PLEKHG4B: variants seen among roughly 807,000 people sequenced by gnomAD.
PLEKHG4B encodes the protein pleckstrin homology and RhoGEF domain containing G4B.
A neutral mutation model predicts 121.3 loss-of-function variants in PLEKHG4B; 111 were observed. The observed-to-expected ratio is 0.92, with a 90% CI of 0.78 to 1.07. PLEKHG4B has a LOEUF of 1.07. Ranked by LOEUF, PLEKHG4B falls within the 50% of genes least tolerant of loss-of-function variation. The pLI, the probability that PLEKHG4B is intolerant of heterozygous loss-of-function variation, is 0.00. For missense variants in PLEKHG4B, 1,831 were observed against 1,757.8 expected (o/e 1.04, Z -0.74); for synonymous variants, 738 against 725.0 (o/e 1.02, Z -0.29).
At chr5:136,677 A>G (rs1215569890) in intron 2 of PLEKHG4B, among the ~76,000 whole-genome samples, 1 of 152,212 alleles carries the variant, frequency 6.6e-6, no homozygotes, top group African/African-American at 2.4e-5. Context: ...AACACCATTA[A>G]TAGGAAAACA....
chr5:172,841 G>T, intron 16 of PLEKHG4B, 56 bp from the exon 17 acceptor site: 1 of 1,589,190 alleles, frequency 6.3e-7, no homozygotes, highest in Non-Finnish European at 8.6e-7. Flanking sequence ...AGTGACCTGT[G>T]CCACCACAGA....
rs767038590 is a variant in PLEKHG4B, at chr5:151,558, A to G, written c.1951A>G (p.Lys651Glu). 12 of 1,593,040 alleles carry G rather than the reference A, an allele frequency of 7.5e-6. No individual in the cohort carries two copies. In the South Asian group the frequency reaches 1.1e-4, roughly 15 times the overall value. Residue 651 changes from lysine (K) to glutamate (E), a missense_variant, in exon 7 of 20, where the codon AAA becomes GAA. Lys to Glu is a moderately conservative substitution (Grantham distance 56, BLOSUM62 1). Transcript: ENST00000637938. The part of the protein sequence containing the change: ...IIHSILLLVD[K>E]ESAFRPDKDA... ...TCATAGTATCTTGCTGTTGGTAGATAAAGAATCTGCATTTAGGCCTGACAA... is the reference window on the plus strand; with the variant it reads ...TCATAGTATCTTGCTGTTGGTAGATGAAGAATCTGCATTTAGGCCTGACAA...
In PLEKHG4B at chr5:151,590, A is replaced by G; in HGVS notation, c.1983A>G (p.Ala661=). Residue 661 remains alanine (A), a synonymous_variant, in exon 7 of 20, where the codon GCA becomes GCG. Coordinates refer to ENST00000637938, the MANE Select transcript of PLEKHG4B (RefSeq NM_052909.5). ...KESAFRPDKD[A]IIQCEVVSSL... ...CTGCATTTAGGCCTGACAAGGATGC[A>G]ATAATTCAGGTAATGGTTTAGACTG... 1 of 1,580,094 alleles carries G rather than the reference A, an allele frequency of 6.3e-7. No homozygotes were observed. Among genetic ancestry groups the G allele is most frequent in the Middle Eastern group, 1.7e-4 (1 of 5,994 alleles).
chr5:99,098 G>C (rs1036192700), intron 1 of PLEKHG4B, among the ~76,000 whole-genome samples: 1 of 144,662 alleles, frequency 6.9e-6, no homozygotes, highest in African/African-American at 2.6e-5. Context: ...GGAGGTTGCA[G>C]TGAGCCGAGA....
rs541656964 is a variant in PLEKHG4B, at chr5:148,346, A to C, written c.1906-3167A>C. Among the ~76,000 whole-genome samples the C allele has an allele frequency of 4.2e-4, 50 of 119,800 alleles. No individual in the cohort carries two copies. In the South Asian group the frequency reaches 9.9e-3, roughly 24 times the overall value. 78.6% of individuals were successfully genotyped at this position (119,800 alleles called of 152,430 possible). On this transcript the variant is annotated intron_variant, in intron 6 of 19. Coordinates refer to ENST00000637938, the MANE Select transcript of PLEKHG4B (RefSeq NM_052909.5). ...TGCAGAAAACCCTAACAGTTCCACA[A>C]AAAAAAAAAAATAAATAAAAATAAG...
rs561234293 is a variant in PLEKHG4B at position 172,353 on chromosome 5, C to T, written c.4051-544C>T. Among the ~76,000 whole-genome samples the T allele has an allele frequency of 1.5e-4, 23 of 152,296 alleles. No homozygotes were observed. The East Asian group carries it at 2.7e-3, about 18-fold the overall frequency. ...GGGAGGGACAGCCTGGTGGGCACGG[C>T]GGCTCCATCTCTGGGGGCTGCTGTC... On this transcript the variant is annotated intron_variant, in intron 16 of 19. Coordinates refer to ENST00000637938, the MANE Select transcript of PLEKHG4B (RefSeq NM_052909.5).
At chr5:96,724 C>T (rs1733636706) in intron 1 of PLEKHG4B, among the ~76,000 whole-genome samples, 1 of 152,138 alleles carries the variant, frequency 6.6e-6, no homozygotes, top group Non-Finnish European at 1.5e-5. Context: ...AGTGACCACT[C>T]ATGCCTCCAA....
Position 169,969 on chromosome 5 carries a change from C to T in PLEKHG4B, c.3729+377C>T, listed in dbSNP as rs1736490274. On this transcript the variant is annotated intron_variant, in intron 14 of 19. Transcript: ENST00000637938. ...GGCCAGGCCTCACCTCTTCACACGC[C>T]CCCTGCCCCTGGATGCCCCATTACC... 2.0e-5 allele frequency among the ~76,000 whole-genome samples: 3 copies of T among 152,298 alleles called. No homozygotes were observed. The South Asian group carries it at 6.2e-4, about 32-fold the overall frequency.
chr5:171,477 G>A (rs745696034), intron 16 of PLEKHG4B, 33 bp downstream of exon 16: 6 of 1,535,860 alleles, frequency 3.9e-6, no homozygotes, highest in Non-Finnish European at 4.4e-6. Flanking sequence ...GCTCAGGCAA[G>A]CTGGGGGAAT....
At chr5:100,796 T>A (rs1805296) in intron 1 of PLEKHG4B, among the ~76,000 whole-genome samples, 15 of 111,330 alleles carry the variant, frequency 1.3e-4, no homozygotes, top group African/African-American at 3.8e-4. Context: ...GTTGTGAGGT[T>A]AATCCATATA....
chr5:169,698 A>G, intron 14 of PLEKHG4B, 106 bp downstream of exon 14: 1 of 1,499,034 alleles, frequency 6.7e-7, no homozygotes, highest in Non-Finnish European at 8.9e-7. Context: ...GAATAGCTTC[A>G]GTCCAGGTCT....
chr5:165,536 G>GA (rs1736292152), intron 13 of PLEKHG4B, among the ~76,000 whole-genome samples: 1 of 48,102 alleles, frequency 2.1e-5, no homozygotes, highest in Non-Finnish European at 4.6e-5. Flanking sequence ...TGACGGGGCG[G>GA]GGCTCACACT....
rs778085835 is a variant in PLEKHG4B at position 143,250 on chromosome 5, C to T, written c.1681C>T (p.Leu561Phe). 3.7e-6 allele frequency: 6 copies of T among 1,609,976 alleles called. No individual in the cohort carries two copies. The African/African-American group carries it at 5.3e-5, about 14-fold the overall frequency. Residue 561 changes from leucine (L) to phenylalanine (F), a missense_variant, in exon 4 of 20, where the codon CTC becomes TTC. Transcript: ENST00000637938. The stretch of plus-strand genomic sequence containing the variant: ...GCTGCTGCAGTCCGGGGTCGTCACC[C>T]TCCCAGGTGAGAGCACATGCCAGGC... ...QELLQSGVVT[L>F]PGTRDRHGRA...
chr5:133,140 T>A lies in PLEKHG4B; in HGVS notation c.244-6343T>A, dbSNP rs1466404296. ...TTAGGTATATTCCTAATTATTTTAA[T>A]TTTTTGCAGCTATTATAAAAGGGGT... On this transcript the variant is annotated intron_variant, in intron 2 of 19. Transcript: ENST00000637938. 2.6e-5 allele frequency among the ~76,000 whole-genome samples: 4 copies of A among 152,282 alleles called. No individual in the cohort carries two copies. In the East Asian group the frequency reaches 7.7e-4, roughly 29 times the overall value.
At chr5:120,628 C>T (rs1484446790) in intron 2 of PLEKHG4B, among the ~76,000 whole-genome samples, 2 of 152,172 alleles carry the variant, frequency 1.3e-5, no homozygotes. Context: ...CCCAAATTGG[C>T]TCTGTTTCCA....
intron 6 of PLEKHG4B, among the ~76,000 whole-genome samples, chr5:150,150 G>T (rs1198270819): frequency 1.3e-5 from 2 of 152,320 alleles, no homozygotes; most frequent in East Asian, 3.9e-4. Context: ...GCAAAATGTG[G>T]CCTATCTTTA....
intron 1 of PLEKHG4B, among the ~76,000 whole-genome samples, chr5:94,317 G>A (rs1335282682): frequency 6.6e-6 from 1 of 152,262 alleles, no homozygotes; most frequent in Non-Finnish European, 1.5e-5. Context: ...GGCCAGTGCT[G>A]TTGGGTCCAG....
chr5:134,086 T>C (rs1734868142), intron 2 of PLEKHG4B, among the ~76,000 whole-genome samples: 1 of 91,498 alleles, frequency 1.1e-5, no homozygotes, highest in Non-Finnish European at 2.0e-5. Flanking sequence ...AATATATATA[T>C]ATATATATAT....
Position 140,174 on chromosome 5 carries a change from C to T in PLEKHG4B, c.935C>T (p.Pro312Leu), listed in dbSNP as rs957839344. ...PENCGGSGER[P>L]DPMDQEDRPK... ...AACTGTGGGGGGTCGGGGGAGAGGC[C>T]GGACCCCATGGACCAGGAGGACAGA... Residue 312 changes from proline to leucine, a missense_variant, in exon 3 of 20, where the codon CCG becomes CTG. Physicochemically the swap from Pro to Leu is moderately conservative, Grantham distance 98. Coordinates refer to ENST00000637938, the MANE Select transcript of PLEKHG4B (RefSeq NM_052909.5). 3.9e-5 allele frequency: 37 copies of T among 945,578 alleles called. No homozygotes were observed. The highest frequency in any genetic ancestry group is 5.1e-5 in the Non-Finnish European group (33 of 650,714). The allele number at this position is 945,578 out of a possible 1,614,324, so 58.6% of individuals were successfully genotyped here.
Sources: gnomAD v4.1 joint callset for allele counts (sites outside exome capture counted in the v4.1 genomes callset) on GRCh38, gnomAD v4.1.1 for gene constraint, MANE v1.5 for transcripts, NCBI Gene and HGNC (gene_info 2026-07-23, HGNC 2026-07-21) for gene names.